IL1RAPL1: variants seen among roughly 807,000 people sequenced by gnomAD.
IL1RAPL1 encodes the protein interleukin 1 receptor accessory protein like 1.
A neutral mutation model predicts 48.4 loss-of-function variants in IL1RAPL1; 3 were observed. The observed-to-expected ratio is 0.06, with a 90% confidence interval of 0.03 to 0.16. The LOEUF (loss-of-function observed/expected upper bound fraction) is 0.16. IL1RAPL1 is among the 10% of genes least tolerant of loss of function. IL1RAPL1 has a pLI of 1.00. For synonymous variants in IL1RAPL1, 185 were observed against 187.7 expected (o/e 0.99, Z 0.12); for missense variants, 349 against 530.6 (o/e 0.66, Z 3.36).
intron 6 of IL1RAPL1, among the ~76,000 whole-genome samples, chrX:29,670,916 G>A (rs1181225926): frequency 9.9e-5 from 11 of 111,557 alleles, no homozygotes; most frequent in Admixed American, 8.6e-4. Flanking sequence ...AGAATTTTAC[G>A]GTCCAAGTAT....
intron 6 of IL1RAPL1, among the ~76,000 whole-genome samples, chrX:29,854,234 A>T (rs2147200305): frequency 9.0e-6 from 1 of 111,651 alleles, no homozygotes; most frequent in African/African-American, 3.3e-5. Context: ...AAGAGAGAAA[A>T]ATGTAACGTT....
At chrX:29,211,651 G>T (rs1930771654) in intron 2 of IL1RAPL1, among the ~76,000 whole-genome samples, 1 of 111,398 alleles carries the variant, frequency 9.0e-6, no homozygotes, top group Admixed American at 9.6e-5. Context: ...TCAATTGGGA[G>T]TAGTTAAACC....
chrX:29,519,762 T>C lies in IL1RAPL1; in HGVS notation c.703+120454T>C, dbSNP rs1014924044. ...GTGTGCTTTCTCAGTGTTGGAAGGG[T>C]AGAGAATGGTAAAATGAACATTGGT... On this transcript the variant is annotated intron_variant, in intron 5 of 10. Transcript: ENST00000378993. 4.5e-5 allele frequency among the ~76,000 whole-genome samples: 5 copies of C among 111,136 alleles called. No homozygotes were observed. In the East Asian group the frequency reaches 1.4e-3, roughly 32 times the overall value.
rs145344893 is a variant in IL1RAPL1, at chrX:29,785,665, G to A, written c.778+117161G>A. On this transcript the variant is annotated intron_variant, in intron 6 of 10. Transcript: ENST00000378993. Reference sequence around the variant, plus strand: ...TTCCCCAACTCGAAATGAATAAAACGTGCATCAATAGGTGAATGGATAGTG... The same window carrying A: ...TTCCCCAACTCGAAATGAATAAAACATGCATCAATAGGTGAATGGATAGTG... Among the ~76,000 whole-genome samples the A allele has an allele frequency of 6.6e-3, 743 of 111,754 alleles. 8 individuals carry two copies. Among genetic ancestry groups the A allele is most frequent in the African/African-American group, 0.023 (708 of 30,779 alleles).
chrX:29,833,928 T>C (rs1191579258), intron 6 of IL1RAPL1, among the ~76,000 whole-genome samples: 1 of 112,117 alleles, frequency 8.9e-6, no homozygotes, highest in African/African-American at 3.2e-5. Flanking sequence ...TGAACTCTTT[T>C]CAGCTACCTC....
intron 8 of IL1RAPL1, among the ~76,000 whole-genome samples, chrX:29,937,195 A>G (rs1426954714): frequency 1.8e-5 from 2 of 112,409 alleles, no homozygotes; most frequent in Non-Finnish European, 3.8e-5. Context: ...TTAACAAAAT[A>G]CACAAAGGCT....
At chrX:28,724,311 G>A (rs138471262) in intron 1 of IL1RAPL1, among the ~76,000 whole-genome samples, 2,072 of 111,699 alleles carry the variant, frequency 0.019, 44 homozygotes, top group African/African-American at 0.064. Context: ...AAGATAGTTA[G>A]ATCTTCTTGT....
At chrX:29,460,254 T>C (rs1934786926) in intron 5 of IL1RAPL1, among the ~76,000 whole-genome samples, 1 of 112,204 alleles carries the variant, frequency 8.9e-6, no homozygotes, top group Non-Finnish European at 1.9e-5. Flanking sequence ...AATATTGGCC[T>C]CTATGAATTT....
At chrX:29,251,672 G>A (rs978496530) in intron 2 of IL1RAPL1, among the ~76,000 whole-genome samples, 3 of 111,084 alleles carry the variant, frequency 2.7e-5, no homozygotes, top group Non-Finnish European at 3.8e-5. Flanking sequence ...ACAGGACACA[G>A]AAAGTTGCAA....
chrX:28,744,199 T>C (rs188332724), intron 1 of IL1RAPL1, among the ~76,000 whole-genome samples: 1 of 111,598 alleles, frequency 9.0e-6, no homozygotes, highest in African/African-American at 3.3e-5. Context: ...AAAAAGAGTC[T>C]TTACATCTTT....
chrX:29,755,136 T>C (rs1468022912), intron 6 of IL1RAPL1, among the ~76,000 whole-genome samples: 1 of 112,655 alleles, frequency 8.9e-6, no homozygotes, highest in Non-Finnish European at 1.9e-5. Flanking sequence ...CTCATAAGTA[T>C]GGCAGCTGCT....
intron 5 of IL1RAPL1, among the ~76,000 whole-genome samples, chrX:29,606,618 G>A (rs1923900229): frequency 8.9e-6 from 1 of 112,054 alleles, no homozygotes; most frequent in African/African-American, 3.2e-5. Flanking sequence ...CAGTTAACTT[G>A]AAGACCTCCC....
chrX:29,089,967 A>G (rs774502681), intron 2 of IL1RAPL1, among the ~76,000 whole-genome samples: 1 of 105,728 alleles, frequency 9.5e-6, no homozygotes, highest in South Asian at 4.3e-4. Flanking sequence ...ATTTCATCCC[A>G]GAGAAATAGA....
chrX:29,720,008 C>T (rs1043396249), intron 6 of IL1RAPL1, among the ~76,000 whole-genome samples: 6 of 111,865 alleles, frequency 5.4e-5, no homozygotes, highest in African/African-American at 1.3e-4. Context: ...CACAGTCAAC[C>T]GCTTCATCAC....
At chrX:29,924,373 T>G (rs1400169250) in intron 8 of IL1RAPL1, among the ~76,000 whole-genome samples, 1 of 112,308 alleles carries the variant, frequency 8.9e-6, no homozygotes, top group Non-Finnish European at 1.9e-5. Context: ...ATAGATATAC[T>G]GTGGTTTGAA....
At chrX:28,995,917 T>TAA (rs369581115) in intron 2 of IL1RAPL1, among the ~76,000 whole-genome samples, 1 of 103,069 alleles carries the variant, frequency 9.7e-6, no homozygotes, top group African/African-American at 3.5e-5. Context: ...GGCTCATTCT[T>TAA]AAAAAAAAAA....
At chrX:29,494,690 C>T (rs2147755933) in intron 5 of IL1RAPL1, among the ~76,000 whole-genome samples, 1 of 112,311 alleles carries the variant, frequency 8.9e-6, no homozygotes, top group East Asian at 2.8e-4. Context: ...TATTGTGTCT[C>T]TTTAGTGAAT....
At chrX:29,853,391 G>A (rs1931413924) in intron 6 of IL1RAPL1, among the ~76,000 whole-genome samples, 1 of 109,749 alleles carries the variant, frequency 9.1e-6, no homozygotes, top group Non-Finnish European at 1.9e-5. Flanking sequence ...TCAAGAGGAG[G>A]AGGCTTTAGT....
intron 3 of IL1RAPL1, among the ~76,000 whole-genome samples, chrX:29,371,526 T>G (rs1319231122): frequency 9.0e-6 from 1 of 111,687 alleles, no homozygotes; most frequent in Non-Finnish European, 1.9e-5. Context: ...GATTGGGGTA[T>G]GGATCCCATC....
Sources: gnomAD v4.1 joint callset for allele counts (sites outside exome capture counted in the v4.1 genomes callset) on GRCh38, gnomAD v4.1.1 for gene constraint, MANE v1.5 for transcripts, NCBI Gene and HGNC (gene_info 2026-07-23, HGNC 2026-07-21) for gene names.